The following SVIL variants were observed in gnomAD, a reference collection of about 807,000 sequenced individuals.
SVIL encodes the protein supervillin, also known as archvillin.
Under a neutral mutation model 240.4 loss-of-function variants are expected in SVIL, and 101 were observed. The observed-to-expected ratio is 0.42, with a 90% CI of 0.36 to 0.50. The LOEUF is 0.50. SVIL is among the 20% of genes least tolerant of loss of function. The pLI is 0.01. For missense variants in SVIL, 2,512 were observed against 2,818.7 expected, an observed-to-expected ratio of 0.89 and a Z score of 2.46; for synonymous variants, 999 against 1,100.0, an observed-to-expected ratio of 0.91 and a Z score of 1.82.
chr10:29,528,668 G>T (rs1743445817), intron 12 of SVIL, among the ~76,000 whole-genome samples: 1 of 152,014 alleles, frequency 6.6e-6, no homozygotes, highest in Non-Finnish European at 1.5e-5. Flanking sequence ...AGCCCAGGAG[G>T]TTGAGGCTGT....
chr10:29,514,479 C>G (rs1284567120), intron 16 of SVIL, among the ~76,000 whole-genome samples: 2 of 152,296 alleles, frequency 1.3e-5, no homozygotes, highest in Admixed American at 6.5e-5. Context: ...CGGGCTCAAG[C>G]AATTCTTCCA....
At chr10:29,527,168 A>C (rs556575900) in intron 12 of SVIL, 112 bp from the exon 13 acceptor site, 1 of 977,780 alleles carries the variant, frequency 1.0e-6, no homozygotes, top group East Asian at 2.7e-5. Context: ...TTTTAACAGA[A>C]TATTTTGCTA....
chr10:29,516,553 C>T (rs543001826), intron 16 of SVIL, among the ~76,000 whole-genome samples: 19 of 152,312 alleles, frequency 1.2e-4, no homozygotes, highest in Admixed American at 5.2e-4. Flanking sequence ...GAGGAGCCGA[C>T]GTCTGGGCCT....
intron 18 of SVIL, among the ~76,000 whole-genome samples, chr10:29,497,370 A>C (rs1948525186): frequency 6.6e-6 from 1 of 152,236 alleles, no homozygotes; most frequent in Non-Finnish European, 1.5e-5. Context: ...ATAATAGCTT[A>C]GAAAGTGATG....
intron 1 of SVIL, among the ~76,000 whole-genome samples, chr10:29,574,799 A>G (rs921014973): frequency 2.6e-5 from 4 of 152,200 alleles, no homozygotes; most frequent in African/African-American, 9.6e-5. Context: ...TAAAGGGGCC[A>G]GCCTGACCCC....
intron 31 of SVIL, 43 bp downstream of exon 31, chr10:29,471,095 G>C (rs777655647): frequency 1.0e-5 from 16 of 1,550,702 alleles, no homozygotes; most frequent in Middle Eastern, 3.3e-4. Flanking sequence ...CTTTCCAAGA[G>C]AGGGAAAGGC....
Position 29,532,633 on chromosome 10 carries a change from G to A in SVIL, c.1734C>T (p.Thr578=), listed in dbSNP as rs747151604. The A allele has an allele frequency of 3.1e-5, 50 of 1,614,072 alleles. No homozygotes were observed. Among genetic ancestry groups the A allele is most frequent in the Non-Finnish European group, 3.6e-5 (42 of 1,180,050 alleles). ...RRELELPSSK[T]EGPYGEISML... ...TGCTGATCTCCCCATAAGGCCCTTC[G>A]GTCTTGGAGCTGGGCAGCTCCAGCT... The change falls in exon 8 of 38, where the codon ACC becomes ACT. Residue 578 remains threonine (T), a synonymous_variant. Transcript: ENST00000355867.
chr10:29,714,090 G>T (rs1963466174), intron 1 of SVIL, among the ~76,000 whole-genome samples: 1 of 152,262 alleles, frequency 6.6e-6, no homozygotes, highest in Non-Finnish European at 1.5e-5. Context: ...GAAAAATGAG[G>T]TTTAGAGAGT....
rs911476085 is a variant in SVIL, at chr10:29,609,989, C to T, written c.-201+24431G>A. Reference sequence around the variant, plus strand: ...GGTTTCCAGCTGGTAAAGCGACACCCTAAGGATCCTGTGACACTGTGACCT... The same window carrying T: ...GGTTTCCAGCTGGTAAAGCGACACCTTAAGGATCCTGTGACACTGTGACCT... On this transcript the variant is annotated intron_variant, in intron 1 of 37. Transcript: ENST00000355867. 5.9e-5 allele frequency among the ~76,000 whole-genome samples: 9 copies of T among 152,306 alleles called. No individual in the cohort carries two copies. In the East Asian group the frequency reaches 1.2e-3, roughly 20 times the overall value.
At chr10:29,522,704 A>G in intron 15 of SVIL, 69 bp from the exon 16 acceptor site, 1 of 1,518,966 alleles carries the variant, frequency 6.6e-7, no homozygotes, top group Non-Finnish European at 8.9e-7. Flanking sequence ...ATTCGCCCTC[A>G]ACAGTGCAGC....
In SVIL at chr10:29,458,427, C is replaced by T. The variant is rs370525990; in HGVS notation, c.6558+7G>A. The T allele has an allele frequency of 1.6e-4, 260 of 1,588,962 alleles. No individual in the cohort carries two copies. Among genetic ancestry groups the T allele is most frequent in the East Asian group, 2.9e-4 (13 of 44,340 alleles). The stretch of plus-strand genomic sequence containing the variant: ...CCCATCCCCACCCCACCGGAAGAAC[C>T]GCTTACCTCGAAGTCTTCGTCGGTG... On this transcript the variant is annotated splice_region_variant and intron_variant, in intron 37 of 37. Coordinates refer to ENST00000355867, the MANE Select transcript of SVIL (RefSeq NM_021738.3).
chr10:29,726,699 A>T (rs1379818536), intron 1 of SVIL, among the ~76,000 whole-genome samples: 1 of 152,128 alleles, frequency 6.6e-6, no homozygotes, highest in East Asian at 1.9e-4. Context: ...GTGAGCCAAG[A>T]TCACGCTGCT....
At chr10:29,724,370 A>AACACACACACACACACAC (rs9299624) in intron 1 of SVIL, among the ~76,000 whole-genome samples, 80 of 146,146 alleles carry the variant, frequency 5.5e-4, no homozygotes, top group Non-Finnish European at 7.8e-4. Flanking sequence ...GAGGATTTAA[A>AACACACACACACACACAC]ACACACACAC....
intron 2 of SVIL, among the ~76,000 whole-genome samples, chr10:29,680,253 A>G (rs1369000744): frequency 1.3e-5 from 2 of 152,150 alleles, no homozygotes; most frequent in Non-Finnish European, 2.9e-5. Flanking sequence ...ACATGTTCTC[A>G]TAGGCGTTCT....
chr10:29,504,590 G>A (rs142728921), intron 17 of SVIL, among the ~76,000 whole-genome samples: 2,278 of 152,240 alleles, frequency 0.015, 59 homozygotes, highest in African/African-American at 0.051. Flanking sequence ...ATGGAAATAT[G>A]CTCAACATCA....
Position 29,727,733 on chromosome 10 carries a change from G to A in SVIL, c.-400+8018C>T, listed in dbSNP as rs35278316. Among the ~76,000 whole-genome samples the A allele has an allele frequency of 6.7e-3, 739 of 109,554 alleles. 4 individuals are homozygous for A. Among genetic ancestry groups the A allele is most frequent in the Non-Finnish European group, 0.011 (526 of 49,904 alleles). The allele number at this position is 109,554 out of a possible 152,430, so 71.9% of individuals were successfully genotyped here. ...AGAAAGGAGAAATGTGAATTAAGTC[G>A]TGAACACAAAAAAAAAAAAAAAAGA... On this transcript the variant is annotated intron_variant, in intron 1 of 35. Transcript: ENST00000375400.
At chr10:29,650,942 G>C (rs1035430044) in intron 3 of SVIL, among the ~76,000 whole-genome samples, 6 of 152,162 alleles carry the variant, frequency 3.9e-5, no homozygotes, top group African/African-American at 1.4e-4. Context: ...CAAGAGCATG[G>C]AATGTCTTTT....
intron 1 of SVIL, among the ~76,000 whole-genome samples, chr10:29,607,105 T>C (rs1158167868): frequency 6.6e-6 from 1 of 152,228 alleles, no homozygotes; most frequent in African/African-American, 2.4e-5. Flanking sequence ...TATCCTGGTG[T>C]GGGGCATGAT....
In SVIL at chr10:29,704,885, A is replaced by G. The variant is rs186629242; in HGVS notation, c.-399-18234T>C. 1.1e-4 allele frequency among the ~76,000 whole-genome samples: 16 copies of G among 152,272 alleles called. No homozygotes were observed. The East Asian group carries it at 3.1e-3, about 29-fold the overall frequency. ...GATTTTCAGGGGGTTGGGGAAGGGA[A>G]CAGGGAACTCCTTTAACTCCTACTA... On this transcript the variant is annotated intron_variant, in intron 1 of 35. Coordinates refer to the SVIL transcript ENST00000375400.
Sources: gnomAD v4.1 joint callset for allele counts (sites outside exome capture counted in the v4.1 genomes callset) on GRCh38, gnomAD v4.1.1 for gene constraint, MANE v1.5 for transcripts, NCBI Gene and HGNC (gene_info 2026-07-23, HGNC 2026-07-21) for gene names.